Variants in TRPC6 observed in about 807,000 individuals in gnomAD.
The protein encoded by TRPC6 is short transient receptor potential channel 6.
Under a neutral mutation model 90.7 loss-of-function variants are expected in TRPC6, and 55 were observed. That is an observed-to-expected ratio of 0.61 (90% CI 0.49 to 0.76). The LOEUF (loss-of-function observed/expected upper bound fraction) is 0.76. Ranked by LOEUF, TRPC6 falls within the 30% of genes least tolerant of loss-of-function variation. TRPC6 has a pLI of 0.00. For missense variants in TRPC6, 989 were observed against 1,122.7 expected (o/e 0.88, Z 1.70); for synonymous variants, 393 against 393.0 (o/e 1.00, Z 0.00).
chr11:101,512,484 T>C (rs1177076755), intron 1 of TRPC6, among the ~76,000 whole-genome samples: 2 of 152,204 alleles, frequency 1.3e-5, no homozygotes, highest in Non-Finnish European at 2.9e-5. Context: ...TTATAGGAAC[T>C]TGCCTTTTTA....
chr11:101,503,997 G>A lies in TRPC6; in HGVS notation c.945+27C>T, dbSNP rs142960327. ...ACACCTTGACTCTGGCTTGTGGAGG[G>A]TGAAGTCTCTATTGTTAGTGACCTA... On this transcript the variant is annotated intron_variant, in intron 2 of 12. Coordinates refer to ENST00000344327, the MANE Select transcript of TRPC6 (RefSeq NM_004621.6). The A allele has an allele frequency of 3.6e-4, 574 of 1,613,882 alleles. 2 individuals are homozygous for A. The African/African-American group carries it at 7.0e-3, about 20-fold the overall frequency.
intron 10 of TRPC6, among the ~76,000 whole-genome samples, chr11:101,455,743 A>G (rs1469351037): frequency 2.6e-5 from 4 of 152,240 alleles, no homozygotes; most frequent in African/African-American, 9.6e-5. Context: ...AACCTCTTTA[A>G]TGCATTTTCT....
intron 2 of TRPC6, among the ~76,000 whole-genome samples, chr11:101,494,116 T>A (rs1376665601): frequency 6.6e-6 from 1 of 152,170 alleles, no homozygotes; most frequent in Non-Finnish European, 1.5e-5. Flanking sequence ...GCCCATTTTA[T>A]AAAATGGTCT....
At chr11:101,531,680 C>G (rs1017761272) in intron 1 of TRPC6, among the ~76,000 whole-genome samples, 1 of 152,218 alleles carries the variant, frequency 6.6e-6, no homozygotes, top group African/African-American at 2.4e-5. Context: ...TTACTGCCTA[C>G]CATATTTTCA....
chr11:101,488,216 A>G (rs1469935978), intron 4 of TRPC6, among the ~76,000 whole-genome samples: 1 of 152,194 alleles, frequency 6.6e-6, no homozygotes, highest in East Asian at 1.9e-4. Context: ...GCAAGACACA[A>G]ATTTCTCTAC....
At chr11:101,579,023 T>C (rs192450479) in intron 1 of TRPC6, among the ~76,000 whole-genome samples, 1 of 152,216 alleles carries the variant, frequency 6.6e-6, no homozygotes, top group East Asian at 1.9e-4. Flanking sequence ...ACATGAAAAT[T>C]CATTATTTCT....
At chr11:101,581,400 T>G (rs1862194048) in intron 1 of TRPC6, among the ~76,000 whole-genome samples, 1 of 152,222 alleles carries the variant, frequency 6.6e-6, no homozygotes, top group Non-Finnish European at 1.5e-5. Flanking sequence ...AATTATTACT[T>G]TATTTAGTCT....
intron 10 of TRPC6, among the ~76,000 whole-genome samples, chr11:101,458,554 T>C (rs961527953): frequency 6.6e-6 from 1 of 152,178 alleles, no homozygotes; most frequent in Admixed American, 6.5e-5. Flanking sequence ...AGACTGTACA[T>C]CTGAACAGCT....
intron 1 of TRPC6, among the ~76,000 whole-genome samples, chr11:101,577,993 T>C (rs1295244809): frequency 7.7e-6 from 1 of 130,164 alleles, no homozygotes; most frequent in African/African-American, 2.6e-5. Context: ...CTGATCCAGA[T>C]GCTATTTCAT....
chr11:101,514,840 T>C (rs1053992305), intron 1 of TRPC6, among the ~76,000 whole-genome samples: 13 of 152,084 alleles, frequency 8.5e-5, no homozygotes, highest in South Asian at 4.1e-4. Context: ...TGTGGACAAA[T>C]TGAGGGAAAC....
At chr11:101,572,288 TCAAATCAAAACCA>T (rs1861980930) in intron 1 of TRPC6, among the ~76,000 whole-genome samples, 1 of 151,736 alleles carries the variant, frequency 6.6e-6, no homozygotes, top group African/African-American at 2.4e-5. Context: ...TTAGAGAAAT[TCAAATCAAAACCA>T]CAAATTAAAA....
intron 1 of TRPC6, among the ~76,000 whole-genome samples, chr11:101,548,256 TATATAC>T (rs1565238457): frequency 4.3e-5 from 5 of 117,202 alleles, no homozygotes; most frequent in Admixed American, 8.9e-5. Flanking sequence ...AGATCATATA[TATATAC>T]ATATATATAT....
intron 1 of TRPC6, among the ~76,000 whole-genome samples, chr11:101,567,393 TC>T (rs1328270433): frequency 6.6e-6 from 1 of 150,528 alleles, no homozygotes; most frequent in East Asian, 1.9e-4. Context: ...AAACCCCCAC[TC>T]CCTGGGACAG....
rs12804391 is a variant in TRPC6 at position 101,453,252 on chromosome 11, G to A, written c.2645-146C>T. ...AAGGAAATAACTTCCTAATTGAGCA[G>A]GTTTTTGTTTTCTTAGCTAAGTGTT... On this transcript the variant is annotated intron_variant, in intron 12 of 12. Transcript: ENST00000344327. 89,984 of 829,896 alleles carry A rather than the reference G, an allele frequency of 0.11. 5,679 individuals carry two copies. The highest frequency in any genetic ancestry group is 0.15 in the Middle Eastern group (546 of 3,752). The allele number at this position is 829,896 out of a possible 1,614,324, so 51.4% of individuals were successfully genotyped here.
At chr11:101,535,021 T>C (rs908907969) in intron 1 of TRPC6, among the ~76,000 whole-genome samples, 7 of 151,930 alleles carry the variant, frequency 4.6e-5, no homozygotes, top group African/African-American at 1.2e-4. Context: ...AAAAAATTAG[T>C]TGGGCATGGT....
chr11:101,554,182 G>A (rs902760538), intron 1 of TRPC6, among the ~76,000 whole-genome samples: 5 of 152,114 alleles, frequency 3.3e-5, no homozygotes, highest in Admixed American at 2.6e-4. Flanking sequence ...TATATTCAGT[G>A]AAATGGATGT....
chr11:101,489,375 A>C (rs1859750889), intron 3 of TRPC6, among the ~76,000 whole-genome samples: 1 of 129,740 alleles, frequency 7.7e-6, no homozygotes, highest in Non-Finnish European at 1.6e-5. Flanking sequence ...GAATATTATA[A>C]AAAGATTAAT....
chr11:101,560,821 G>A (rs184697237), intron 1 of TRPC6, among the ~76,000 whole-genome samples: 122 of 152,232 alleles, frequency 8.0e-4, no homozygotes, highest in African/African-American at 2.6e-3. Flanking sequence ...TGGCACAGCC[G>A]TCAGAAGCAT....
chr11:101,475,267 T>TTTGA (rs1221818385), intron 6 of TRPC6, among the ~76,000 whole-genome samples: 7 of 152,190 alleles, frequency 4.6e-5, no homozygotes, highest in Admixed American at 4.6e-4. Context: ...ATACTTTTTA[T>TTTGA]ATATCTTAAA....
Sources: gnomAD v4.1 joint callset for allele counts (sites outside exome capture counted in the v4.1 genomes callset) on GRCh38, gnomAD v4.1.1 for gene constraint, MANE v1.5 for transcripts, NCBI Gene and HGNC (gene_info 2026-07-23, HGNC 2026-07-21) for gene names.